NSF: variants seen among roughly 807,000 people sequenced by gnomAD.
NSF encodes vesicle-fusing ATPase.
Under a neutral mutation model 50.3 loss-of-function variants are expected in NSF, and 14 were observed. The observed-to-expected ratio is 0.28, with a 90% CI of 0.18 to 0.44. The LOEUF (loss-of-function observed/expected upper bound fraction) is 0.44, where lower values mean the gene tolerates loss of function less well. Ranked by LOEUF, NSF falls within the 20% of genes least tolerant of loss-of-function variation. The probability of loss-of-function intolerance (pLI) is 1.00; values close to 1 mark genes in which losing one functional copy is unlikely to be tolerated. For synonymous variants in NSF, 109 were observed against 175.7 expected, an observed-to-expected ratio of 0.62 and a Z score of 3.00; for missense variants, 218 against 504.3, an observed-to-expected ratio of 0.43 and a Z score of 5.44.
chr17:46,709,358 A>G (rs919865257), intron 13 of NSF, among the ~76,000 whole-genome samples: 1 of 152,160 alleles, frequency 6.6e-6, no homozygotes, highest in African/African-American at 2.4e-5. Context: ...AAATGAAATT[A>G]TGGGATATGT....
intron 15 of NSF, among the ~76,000 whole-genome samples, chr17:46,723,155 T>TG (rs1161535363): frequency 6.6e-6 from 1 of 152,186 alleles, no homozygotes; most frequent in African/African-American, 2.4e-5. Flanking sequence ...GTAAGGTCCT[T>TG]GCAGCCATAT....
chr17:46,610,041 C>CTTTCTTTCTT (rs1555666760), intron 1 of NSF, among the ~76,000 whole-genome samples: 4 of 118,656 alleles, frequency 3.4e-5, no homozygotes, highest in South Asian at 2.6e-4. Flanking sequence ...CTCTCTCTCT[C>CTTTCTTTCTT]TCTTTCTTTC....
intron 17 of NSF, among the ~76,000 whole-genome samples, chr17:46,737,597 GTGTGTGT>G (rs990962918): frequency 6.6e-6 from 1 of 151,830 alleles, no homozygotes; most frequent in Non-Finnish European, 1.5e-5. Flanking sequence ...GTGTGTGTGT[GTGTGTGT>G]TTTCTGATCC....
intron 13 of NSF, among the ~76,000 whole-genome samples, chr17:46,709,643 C>CA (rs2058698309): frequency 6.6e-6 from 1 of 151,964 alleles, no homozygotes; most frequent in African/African-American, 2.4e-5. Context: ...TACAGGCACA[C>CA]ACCACCACAC....
intron 13 of NSF, among the ~76,000 whole-genome samples, chr17:46,710,329 G>A (rs566604500): frequency 2.6e-4 from 40 of 152,230 alleles, no homozygotes; most frequent in Non-Finnish European, 5.1e-4. Context: ...GAAGAAGGGT[G>A]CAATTTAAGC....
chr17:46,681,131 T>TA (rs1302324222), intron 9 of NSF, among the ~76,000 whole-genome samples: 4 of 144,736 alleles, frequency 2.8e-5, no homozygotes, highest in Non-Finnish European at 6.3e-5. Flanking sequence ...ATTGTCATGC[T>TA]ATTTGTAATA....
intron 15 of NSF, among the ~76,000 whole-genome samples, chr17:46,718,495 A>C: frequency 6.6e-6 from 1 of 152,240 alleles, no homozygotes; most frequent in East Asian, 1.9e-4. Context: ...GTACTCCATA[A>C]ATATGTATAA....
intron 15 of NSF, among the ~76,000 whole-genome samples, chr17:46,717,736 G>A (rs973483484): frequency 1.3e-5 from 2 of 152,090 alleles, no homozygotes; most frequent in Admixed American, 1.3e-4. Flanking sequence ...ATAATGTGTC[G>A]TTCGGGGAGT....
At chr17:46,711,575 G>T (rs1028398537) in intron 14 of NSF, among the ~76,000 whole-genome samples, 2 of 152,158 alleles carry the variant, frequency 1.3e-5, no homozygotes, top group Non-Finnish European at 2.9e-5. Flanking sequence ...TTTAGCATAG[G>T]GGTGGTCAGG....
At chr17:46,601,878 TAA>T (rs533376609) in intron 1 of NSF, among the ~76,000 whole-genome samples, 27 of 140,562 alleles carry the variant, frequency 1.9e-4, no homozygotes, top group Non-Finnish European at 1.7e-4. Context: ...CCCACTCCTT[TAA>T]AAAAAAAAAA....
chr17:46,753,034 G>A (rs1392391836), intron 19 of NSF, among the ~76,000 whole-genome samples: 1 of 152,254 alleles, frequency 6.6e-6, no homozygotes, highest in Non-Finnish European at 1.5e-5. Flanking sequence ...CTCCCAAAAT[G>A]TTGGGATTAC....
intron 15 of NSF, 134 bp downstream of exon 15, chr17:46,714,120 A>G: frequency 1.2e-6 from 1 of 856,340 alleles, no homozygotes; most frequent in Non-Finnish European, 1.7e-6. Context: ...CCAAATTATC[A>G]GCAGAATATG....
At chr17:46,607,952 A>G (rs1424179917) in intron 1 of NSF, among the ~76,000 whole-genome samples, 3 of 132,364 alleles carry the variant, frequency 2.3e-5, no homozygotes, top group Non-Finnish European at 4.5e-5. Flanking sequence ...TGGGGAGTGC[A>G]CATTTCACTC....
chr17:46,743,548 C>T (rs1467085443), intron 17 of NSF, among the ~76,000 whole-genome samples: 1 of 152,210 alleles, frequency 6.6e-6, no homozygotes, highest in Non-Finnish European at 1.5e-5. Flanking sequence ...GTGATGGGGC[C>T]TCTACTTCTG....
intron 1 of NSF, among the ~76,000 whole-genome samples, chr17:46,623,449 A>T (rs1345375813): frequency 2.0e-4 from 1 of 5,114 alleles, no homozygotes. Context: ...TTGGTTAAAT[A>T]TATTATATAA....
chr17:46,727,719 A>T (rs1274208082), intron 16 of NSF, among the ~76,000 whole-genome samples: 1 of 152,196 alleles, frequency 6.6e-6, no homozygotes, highest in Non-Finnish European at 1.5e-5. Context: ...GCACAAACTC[A>T]TAGCTCTGTG....
chr17:46,678,397 G>T (rs968372787), intron 9 of NSF, among the ~76,000 whole-genome samples: 3 of 123,184 alleles, frequency 2.4e-5, no homozygotes, highest in African/African-American at 9.3e-5. Context: ...TAAATAGCAG[G>T]TTAGACACAT....
At chr17:46,708,810 A>G (rs2058685536) in intron 13 of NSF, among the ~76,000 whole-genome samples, 1 of 95,784 alleles carries the variant, frequency 1.0e-5, no homozygotes, top group African/African-American at 4.3e-5. Context: ...TATTTTATAT[A>G]TATATATATA....
chr17:46,696,319 C>T (rs1318294984), intron 12 of NSF, among the ~76,000 whole-genome samples: 3 of 140,238 alleles, frequency 2.1e-5, no homozygotes, highest in Non-Finnish European at 4.4e-5. Flanking sequence ...GTTAATACCC[C>T]GACTGCAAAG....
Sources: allele counts gnomAD v4.1 joint callset (sites outside exome capture counted in the v4.1 genomes callset), GRCh38; gene constraint gnomAD v4.1.1; transcripts MANE v1.5; gene names NCBI Gene and HGNC (gene_info 2026-07-23, HGNC 2026-07-21).